Variants in ADGRL2 observed in about 807,000 individuals in gnomAD.
ADGRL2 encodes calcium-independent alpha-latrotoxin receptor 2.
Under a neutral mutation model 157.4 loss-of-function variants are expected in ADGRL2, and 44 were observed. That is an observed-to-expected ratio of 0.28 (90% CI 0.22 to 0.36). ADGRL2 has a LOEUF of 0.36. Among genes scored for constraint, ADGRL2 ranks in the 10% least tolerant of loss-of-function variants. The pLI is 1.00. For missense variants in ADGRL2, 1,510 were observed against 1,768.9 expected (o/e 0.85, Z 2.63); for synonymous variants, 585 against 624.7 (o/e 0.94, Z 0.95).
chr1:81,630,272 A>G (rs1354800080), intron 3 of ADGRL2, among the ~76,000 whole-genome samples: 1 of 152,126 alleles, frequency 6.6e-6, no homozygotes, highest in East Asian at 1.9e-4. Flanking sequence ...AGCCTTCTCC[A>G]GGAAAGGCAG....
At chr1:81,327,044 A>G (rs1660950779) in intron 1 of ADGRL2, among the ~76,000 whole-genome samples, 1 of 152,220 alleles carries the variant, frequency 6.6e-6, no homozygotes, top group Non-Finnish European at 1.5e-5. Flanking sequence ...CAAAATGCTT[A>G]GAAATGAAAT....
At chr1:81,396,263 G>C (rs2076653006) in intron 1 of ADGRL2, among the ~76,000 whole-genome samples, 1 of 152,020 alleles carries the variant, frequency 6.6e-6, no homozygotes, top group Admixed American at 6.6e-5. Context: ...GTAGCTATTG[G>C]ATATGAGATT....
At chr1:81,921,054 T>C (rs2094966354) in intron 3 of ADGRL2, among the ~76,000 whole-genome samples, 1 of 152,168 alleles carries the variant, frequency 6.6e-6, no homozygotes, top group African/African-American at 2.4e-5. Context: ...TTGCCTTGCC[T>C]TGGCTATAGA....
At chr1:81,803,999 G>A (rs1216728854) in intron 1 of ADGRL2, among the ~76,000 whole-genome samples, 1 of 152,096 alleles carries the variant, frequency 6.6e-6, no homozygotes, top group Non-Finnish European at 1.5e-5. Context: ...TTTGATCTTG[G>A]GCAAACCTTA....
chr1:81,765,923 G>T (rs917880479), intron 2 of ADGRL2, among the ~76,000 whole-genome samples: 2 of 151,986 alleles, frequency 1.3e-5, no homozygotes, highest in African/African-American at 4.8e-5. Context: ...TAATATAAAA[G>T]AATTGTTAAT....
chr1:81,731,940 T>A (rs1172547061), intron 1 of ADGRL2, among the ~76,000 whole-genome samples: 2 of 152,234 alleles, frequency 1.3e-5, no homozygotes, highest in Non-Finnish European at 1.5e-5. Context: ...TTCAAGGCAC[T>A]TGACCCATTA....
At chr1:81,563,125 C>A (rs1438732473) in intron 2 of ADGRL2, among the ~76,000 whole-genome samples, 1 of 152,078 alleles carries the variant, frequency 6.6e-6, no homozygotes, top group Non-Finnish European at 1.5e-5. Flanking sequence ...ACAGCATTTC[C>A]TGCAATTATC....
intron 1 of ADGRL2, among the ~76,000 whole-genome samples, chr1:81,713,447 C>T (rs1361011749): frequency 6.6e-6 from 1 of 152,050 alleles, no homozygotes; most frequent in African/African-American, 2.4e-5. Context: ...AGGGAAGAAA[C>T]GATTAACTCT....
chr1:81,831,769 T>A (rs2150103524), intron 1 of ADGRL2, among the ~76,000 whole-genome samples: 1 of 152,210 alleles, frequency 6.6e-6, no homozygotes, highest in South Asian at 2.1e-4. Context: ...TACAGTGTAA[T>A]CTCCCTGTGG....
At chr1:81,510,300 A>G (rs930600465) in intron 2 of ADGRL2, among the ~76,000 whole-genome samples, 1 of 152,226 alleles carries the variant, frequency 6.6e-6, no homozygotes, top group East Asian at 1.9e-4. Context: ...CAAATTTGAC[A>G]GGAACATGCA....
chr1:81,664,737 A>G (rs554548932), intron 3 of ADGRL2, among the ~76,000 whole-genome samples: 2 of 152,294 alleles, frequency 1.3e-5, no homozygotes, highest in Non-Finnish European at 2.9e-5. Flanking sequence ...ATGATATAGC[A>G]TTGCAATATT....
intron 2 of ADGRL2, chr1:81,501,671 A>G (rs1402893757): frequency 1.3e-6 from 2 of 1,512,462 alleles, no homozygotes; most frequent in African/African-American, 2.8e-5. Context: ...CGCCACCCGA[A>G]AACCCGGAGT....
At chr1:81,710,568 TGAG>T (rs1275096269) in intron 1 of ADGRL2, among the ~76,000 whole-genome samples, 1 of 146,488 alleles carries the variant, frequency 6.8e-6, no homozygotes, top group African/African-American at 2.5e-5. Flanking sequence ...TGTAGTGAGC[TGAG>T]ATCACACCAC....
At position 81,580,502 on chromosome 1, in the gene ADGRL2, G is replaced by A. The variant is rs149892351; in HGVS notation, c.-247-374G>A. Among the ~76,000 whole-genome samples, 349 of 152,126 alleles carry A rather than the reference G, an allele frequency of 2.3e-3. 1 individual carries two copies. The highest frequency in any genetic ancestry group is 4.1e-3 in the Non-Finnish European group (276 of 67,996). ...TTGAACAGGCGTGATGCTAGAGGGG[G>A]CCTTGATGAAGCCAAGGGGGATGTG... On this transcript the variant is annotated intron_variant, in intron 2 of 24. Transcript: ENST00000370721.
chr1:81,548,600 G>A (rs945870568), intron 2 of ADGRL2, among the ~76,000 whole-genome samples: 1 of 151,920 alleles, frequency 6.6e-6, no homozygotes, highest in Non-Finnish European at 1.5e-5. Context: ...TCCTCTTTGG[G>A]TTATCCTCTC....
intron 2 of ADGRL2, among the ~76,000 whole-genome samples, chr1:81,520,425 A>G (rs2079286467): frequency 6.6e-6 from 1 of 151,976 alleles, no homozygotes; most frequent in Non-Finnish European, 1.5e-5. Context: ...AACACCTTTT[A>G]AAGTCTCTGA....
intron 2 of ADGRL2, among the ~76,000 whole-genome samples, chr1:81,850,038 G>T (rs947555): frequency 0.14 from 21,483 of 151,726 alleles, 1,681 homozygotes; most frequent in South Asian, 0.21. Context: ...TGTTTGACTC[G>T]TCCTGCCGAA....
intron 2 of ADGRL2, among the ~76,000 whole-genome samples, chr1:81,882,603 A>C (rs2094016327): frequency 6.6e-6 from 1 of 152,182 alleles, no homozygotes; most frequent in African/African-American, 2.4e-5. Context: ...ATCTGTTTTC[A>C]TAGTTCATAA....
At chr1:81,927,538 A>G (rs2148705654) in intron 3 of ADGRL2, among the ~76,000 whole-genome samples, 1 of 152,134 alleles carries the variant, frequency 6.6e-6, no homozygotes, top group South Asian at 2.1e-4. Flanking sequence ...GTGTACCAGT[A>G]TTCATGCATA....
Sources: gnomAD v4.1 joint callset for allele counts (sites outside exome capture counted in the v4.1 genomes callset) on GRCh38, gnomAD v4.1.1 for gene constraint, MANE v1.5 for transcripts, NCBI Gene and HGNC (gene_info 2026-07-23, HGNC 2026-07-21) for gene names.